The following GRAMD1C variants were observed in gnomAD, a reference collection of about 807,000 sequenced individuals.
GRAMD1C encodes the protein protein Aster-C.
A neutral mutation model predicts 97.8 loss-of-function variants in GRAMD1C; 89 were observed. That is an observed-to-expected ratio of 0.91 (90% CI 0.77 to 1.09). GRAMD1C has a LOEUF of 1.09. Ranked by LOEUF, GRAMD1C falls within the 50% of genes least tolerant of loss-of-function variation. The pLI, the probability that GRAMD1C is intolerant of heterozygous loss-of-function variation, is 0.00. For missense variants in GRAMD1C, 740 were observed against 766.4 expected (o/e 0.97, Z 0.41); for synonymous variants, 256 against 267.0 (o/e 0.96, Z 0.40).
intron 9 of GRAMD1C, among the ~76,000 whole-genome samples, chr3:113,909,362 G>A (rs1936479982): frequency 1.3e-5 from 2 of 152,166 alleles, no homozygotes; most frequent in Admixed American, 6.5e-5. Flanking sequence ...TCTAAATGTG[G>A]TGTTAATAAA....
intron 2 of GRAMD1C, among the ~76,000 whole-genome samples, chr3:113,863,336 C>A (rs1934468685): frequency 6.6e-6 from 1 of 152,090 alleles, no homozygotes; most frequent in Admixed American, 6.5e-5. Context: ...GCTACAGACA[C>A]AAAGGGCCAC....
chr3:113,923,712 T>C (rs555615646), intron 10 of GRAMD1C, among the ~76,000 whole-genome samples: 1 of 152,220 alleles, frequency 6.6e-6, no homozygotes, highest in African/African-American at 2.4e-5. Flanking sequence ...TCATCAAACA[T>C]ATTGGCCTAA....
intron 10 of GRAMD1C, among the ~76,000 whole-genome samples, chr3:113,925,497 AC>A (rs1937203292): frequency 1.3e-5 from 2 of 151,564 alleles, no homozygotes; most frequent in Non-Finnish European, 2.9e-5. Context: ...AAACAAACAA[AC>A]AAACAAAACC....
intron 6 of GRAMD1C, among the ~76,000 whole-genome samples, chr3:113,899,297 G>C (rs1936055631): frequency 3.3e-5 from 5 of 152,186 alleles, no homozygotes; most frequent in African/African-American, 9.6e-5. Flanking sequence ...TATCTCAGCT[G>C]AAAACACTTC....
chr3:113,890,352 C>A (rs1935670547), intron 6 of GRAMD1C, among the ~76,000 whole-genome samples: 1 of 152,196 alleles, frequency 6.6e-6, no homozygotes, highest in East Asian at 1.9e-4. Context: ...TTGCTCCTGG[C>A]CTGGGTGATG....
intron 7 of GRAMD1C, among the ~76,000 whole-genome samples, chr3:113,902,966 T>C (rs1202065769): frequency 6.6e-6 from 1 of 151,090 alleles, no homozygotes; most frequent in African/African-American, 2.4e-5. Flanking sequence ...TTTTCTTTTC[T>C]TTCTTTCTTT....
chr3:113,905,782 G>A (rs749182607), intron 8 of GRAMD1C, among the ~76,000 whole-genome samples: 4 of 151,624 alleles, frequency 2.6e-5, no homozygotes, highest in African/African-American at 4.9e-5. Context: ...TGCAGCCTCC[G>A]CCTCCTGGGT....
At position 113,843,049 on chromosome 3, in the gene GRAMD1C, GT is replaced by G. The variant is rs71144092; in HGVS notation, c.28-1428del. ...TAAGGATCCTGGTCCACCATAAGCT[GT>G]TTTTTTTTTTTTTTTTTTTTTTTTT... is the stretch of plus-strand genomic sequence containing the variant. On this transcript the variant is annotated intron_variant, in intron 1 of 17. Transcript: ENST00000358160. Among the ~76,000 whole-genome samples the G allele has an allele frequency of 7.9e-3, 423 of 53,388 alleles. 1 individual carries two copies. Among genetic ancestry groups the G allele is most frequent in the African/African-American group, 0.022 (312 of 14,356 alleles). 35.0% of individuals were successfully genotyped at this position (53,388 alleles called of 152,430 possible). A position where few individuals can be genotyped will look rare whatever the true frequency, so the allele number is the denominator to read the frequency against.
At position 113,859,217 on chromosome 3, in the gene GRAMD1C, A is replaced by G. The variant is rs189615708; in HGVS notation, c.175-10290A>G. Among the ~76,000 whole-genome samples, 9 of 152,166 alleles carry G rather than the reference A, an allele frequency of 5.9e-5. 2 individuals carry two copies. Among genetic ancestry groups the G allele is most frequent in the Admixed American group, 5.2e-4 (8 of 15,280 alleles). On this transcript the variant is annotated intron_variant, in intron 2 of 17. Coordinates refer to ENST00000358160, the MANE Select transcript of GRAMD1C (RefSeq NM_017577.5). ...TTCTAATGTGGGCATTTAGTGCTAT[A>G]AATTTCTCTCTCATCTTTAGCTGTG...
At chr3:113,849,682 A>G (rs1933779219) in intron 2 of GRAMD1C, among the ~76,000 whole-genome samples, 1 of 152,212 alleles carries the variant, frequency 6.6e-6, no homozygotes, top group Non-Finnish European at 1.5e-5. Context: ...GAAGTCTCCC[A>G]TGTATACTTC....
At chr3:113,828,489 A>G (rs1709515649) in intron 1 of GRAMD1C, among the ~76,000 whole-genome samples, 1 of 152,186 alleles carries the variant, frequency 6.6e-6, no homozygotes, top group South Asian at 2.1e-4. Flanking sequence ...TCATGCAACT[A>G]TAGTAGCTGG....
At chr3:113,885,220 CGGCGGGGGTTGCCCCCG>C in intron 6 of GRAMD1C, 1 of 837,834 alleles carries the variant, frequency 1.2e-6, no homozygotes, top group Non-Finnish European at 1.9e-6. Context: ...CCCCTCCCTT[CGGCGGGGGTTGCCCCCG>C]GGGGGCTGGC....
intron 6 of GRAMD1C, among the ~76,000 whole-genome samples, chr3:113,889,612 C>T (rs775630656): frequency 6.6e-6 from 1 of 151,120 alleles, no homozygotes; most frequent in African/African-American, 2.4e-5. Flanking sequence ...TTAAGGGGAA[C>T]AGTAGAGATT....
intron 6 of GRAMD1C, among the ~76,000 whole-genome samples, chr3:113,893,779 A>G (rs1031163284): frequency 6.6e-6 from 1 of 152,236 alleles, no homozygotes; most frequent in Non-Finnish European, 1.5e-5. Context: ...TAAATTATAC[A>G]TTACGTGTAA....
rs1156243184 is a variant in GRAMD1C at position 113,887,708 on chromosome 3, C to CAA, written c.540+4895_540+4896dup. Among the ~76,000 whole-genome samples, 329 of 47,358 alleles carry CAA rather than the reference C, an allele frequency of 6.9e-3. 2 individuals are homozygous for CAA. Among genetic ancestry groups the CAA allele is most frequent in the African/African-American group, 0.019 (230 of 12,078 alleles). The allele number at this position is 47,358 out of a possible 152,430, so 31.1% of individuals were successfully genotyped here. A position where few individuals can be genotyped will look rare whatever the true frequency, so the allele number is the denominator to read the frequency against. On this transcript the variant is annotated intron_variant, in intron 6 of 17. Coordinates refer to ENST00000358160, the MANE Select transcript of GRAMD1C (RefSeq NM_017577.5). ...GGGTGAAAGTGCGAGACTCCGTCTC[C>CAA]AAAAAAAAAAAAAAAAAAAAGGAAA... is the stretch of plus-strand genomic sequence containing the variant.
At chr3:113,878,323 T>C (rs1455047340) in intron 5 of GRAMD1C, among the ~76,000 whole-genome samples, 2 of 152,118 alleles carry the variant, frequency 1.3e-5, no homozygotes, top group African/African-American at 4.8e-5. Flanking sequence ...TTACCTATTT[T>C]TCTGGCCCAA....
chr3:113,936,248 T>A lies in GRAMD1C; in HGVS notation c.1457-18T>A. ...GGAGCTTTCCTCACTATATAAAGAT[T>A]GTTTTTTTTTTTCTTAGAATCAGAT... On this transcript the variant is annotated intron_variant, in intron 13 of 17. Coordinates refer to ENST00000358160, the MANE Select transcript of GRAMD1C (RefSeq NM_017577.5). 1 of 1,399,326 alleles carries A rather than the reference T, an allele frequency of 7.1e-7. No individual in the cohort carries two copies. Among genetic ancestry groups the A allele is most frequent in the East Asian group, 2.3e-5 (1 of 43,604 alleles). 86.7% of individuals were successfully genotyped at this position (1,399,326 alleles called of 1,614,324 possible).
intron 8 of GRAMD1C, among the ~76,000 whole-genome samples, chr3:113,906,317 C>A (rs1376934456): frequency 6.6e-6 from 1 of 152,134 alleles, no homozygotes; most frequent in Non-Finnish European, 1.5e-5. Context: ...CAGCTCCATG[C>A]ATGTTATTCT....
intron 1 of GRAMD1C, among the ~76,000 whole-genome samples, chr3:113,829,720 A>G (rs182091709): frequency 3.0e-4 from 46 of 152,308 alleles, no homozygotes; most frequent in African/African-American, 9.6e-4. Context: ...TAGATCAAAT[A>G]TATCAGTGTA....
Sources: allele counts gnomAD v4.1 joint callset (sites outside exome capture counted in the v4.1 genomes callset), GRCh38; gene constraint gnomAD v4.1.1; transcripts MANE v1.5; gene names NCBI Gene and HGNC (gene_info 2026-07-23, HGNC 2026-07-21).